Variants in ZNF512B observed in about 807,000 individuals in gnomAD.
ZNF512B encodes zinc finger protein 512B.
ZNF512B carries 22 observed loss-of-function variants against 87.8 expected under a neutral mutation model. That is an observed-to-expected ratio of 0.25 (90% CI 0.18 to 0.36). ZNF512B has a LOEUF of 0.36. Ranked by LOEUF, ZNF512B falls within the 10% of genes least tolerant of loss-of-function variation. ZNF512B has a pLI of 1.00. For missense variants in ZNF512B, 1,060 were observed against 1,231.6 expected, an observed-to-expected ratio of 0.86 and a Z score of 2.09; for synonymous variants, 524 against 490.9, an observed-to-expected ratio of 1.07 and a Z score of -0.89.
At position 63,958,011 on chromosome 20, in the gene ZNF512B, G is replaced by C. The variant is rs1165995316; in HGVS notation, c.*1877C>G. 6.6e-6 allele frequency: 1 copy of C among 152,256 alleles called. No individual in the cohort carries two copies. The highest frequency in any genetic ancestry group is 1.9e-4 in the East Asian group (1 of 5,196). 9.4% of individuals were successfully genotyped at this position (152,256 alleles called of 1,614,324 possible). On this transcript the variant is annotated 3_prime_UTR_variant, in exon 17 of 17. Transcript: ENST00000369888. ...GCCTCCATCCTCTCATCAGGCCGAG[G>C]TGTGCGTGGGTGGGGGGAGTCCGGG...
At position 63,959,073 on chromosome 20, in the gene ZNF512B, G is replaced by A. The variant is rs2058823644; in HGVS notation, c.*815C>T. The A allele has an allele frequency of 6.6e-6, 1 of 152,604 alleles. No individual in the cohort carries two copies. The highest frequency in any genetic ancestry group is 1.5e-5 in the Non-Finnish European group (1 of 68,330). The allele number at this position is 152,604 out of a possible 1,614,324, so 9.5% of individuals were successfully genotyped here. On this transcript the variant is annotated 3_prime_UTR_variant, in exon 17 of 17. Transcript: ENST00000369888. ...AGTGCCAGAAGGCTGAACACTGGAG[G>A]AGAGCACACTCCAGGGGCCCCACAC... is the stretch of plus-strand genomic sequence containing the variant.
intron 12 of ZNF512B, 103 bp downstream of exon 12, chr20:63,962,992 G>T: frequency 7.2e-7 from 1 of 1,392,298 alleles, no homozygotes; most frequent in South Asian, 1.4e-5. Context: ...GGAAACACAC[G>T]CGTTGGGCGG....
At position 63,966,578 on chromosome 20, in the gene ZNF512B, A is replaced by G. The variant is rs1386603991; in HGVS notation, c.597T>C (p.Thr199=). 1.2e-6 allele frequency: 2 copies of G among 1,613,760 alleles called. No individual in the cohort carries two copies. The highest frequency in any genetic ancestry group is 2.2e-5 in the East Asian group (1 of 44,868). Residue 199 remains threonine, a synonymous_variant, in exon 5 of 17, where the codon ACT becomes ACC. Transcript: ENST00000369888. ...TGCTGACACCCACAGGTTTGCCAAT[A>G]GTGACAGGTTTGCTCACTCCGATGG... ...SKPIGVSKPV[T]IGKPVGVSKP...
rs947622596 is a variant in ZNF512B at position 63,957,958 on chromosome 20, A to T, written c.*1930T>A. ...AAGGAATGCCTCCCCCGACCCTCTG[A>T]CGCTGGGTCACGCCCATCTCTGCCC... On this transcript the variant is annotated 3_prime_UTR_variant, in exon 17 of 17. Transcript: ENST00000369888. 6.6e-6 allele frequency: 1 copy of T among 152,162 alleles called. No individual in the cohort carries two copies. The highest frequency in any genetic ancestry group is 2.4e-5 in the African/African-American group (1 of 41,386). The allele number at this position is 152,162 out of a possible 1,614,324, so 9.4% of individuals were successfully genotyped here.
rs1262179905 is a variant in ZNF512B at position 63,966,613 on chromosome 20, C to T, written c.562G>A (p.Val188Ile). Residue 188 changes from valine (V) to isoleucine (I), a missense_variant, in exon 5 of 17, where the codon GTC becomes ATC. Transcript: ENST00000369888. ...TTGCTCACTCCGATGGGCTTGCTGA[C>T]CCCAACAGGCCGGCTGATGGTGACC... ...RPVTISRPVG[V>I]SKPIGVSKPV... 2.5e-6 allele frequency: 4 copies of T among 1,613,494 alleles called. No individual in the cohort carries two copies. The highest frequency in any genetic ancestry group is 3.4e-6 in the Non-Finnish European group (4 of 1,179,922).
intron 3 of ZNF512B, 45 bp downstream of exon 3, chr20:63,967,336 G>A: frequency 1.3e-6 from 2 of 1,546,670 alleles, no homozygotes; most frequent in Non-Finnish European, 1.7e-6. Context: ...TGGCTGGATA[G>A]GGAGACCCCA....
At chr20:63,963,492 C>A in intron 10 of ZNF512B, 52 bp from the exon 11 acceptor site, 1 of 1,549,552 alleles carries the variant, frequency 6.5e-7, no homozygotes, top group South Asian at 1.2e-5. Context: ...CGGAGCCCTG[C>A]CCTGGCCCCG....
In ZNF512B at chr20:63,967,920, G is replaced by A. The variant is rs756900977; in HGVS notation, c.31C>T (p.Arg11Trp). The change falls in exon 2 of 17, where the codon CGG (arginine) becomes TGG (tryptophan). Residue 11 changes from arginine to tryptophan, a missense_variant. By Grantham distance (101) the Arg-to-Trp change is moderately radical (BLOSUM62 -3). Transcript: ENST00000369888. The stretch of plus-strand genomic sequence containing the variant: ...CCACTCTTGCTGGACCCCGGGAGCC[G>A]ACGGCCTCCAACGCAGAAAGGATCC... MTDPFCVGGR[R>W]LPGSSKSGPG... 1.1e-5 allele frequency: 18 copies of A among 1,612,386 alleles called. No homozygotes were observed. Among genetic ancestry groups the A allele is most frequent in the African/African-American group, 1.3e-5 (1 of 75,046 alleles).
intron 16 of ZNF512B, 45 bp from the exon 17 acceptor site, chr20:63,960,184 A>G (rs2058834439): frequency 6.2e-7 from 1 of 1,606,842 alleles, no homozygotes; most frequent in South Asian, 1.1e-5. Flanking sequence ...CTGGATGCTG[A>G]GCACCTGAGC....
At position 63,961,383 on chromosome 20, in the gene ZNF512B, G is replaced by T; in HGVS notation, c.2353C>A (p.Arg785Ser). ...SKGAHLAGKY[R>S]CLLCPKEFSS... is the part of the protein sequence containing the mutation. ...AACTCCTTCGGACACAGCAGACAGC[G>T]GTACTTCCCTGCCAGGTGGGCCCCC... Residue 785 changes from arginine (R) to serine (S), a missense_variant, in exon 16 of 17, where the codon CGC becomes AGC. Physicochemically the swap from Arg to Ser is moderately radical, Grantham distance 110. Around this residue, in one of 9 missense-constraint regions of ZNF512B, gnomAD observed 253 missense variants for 259.2 expected, o/e 0.98. Coordinates refer to ENST00000369888, the MANE Select transcript of ZNF512B (RefSeq NM_020713.3). The surrounding 1 kb of genome is among the most constrained non-coding windows in gnomAD (Gnocchi z 6.4). 5 of 1,612,440 alleles carry T rather than the reference G, an allele frequency of 3.1e-6. No homozygotes were observed. The highest frequency in any genetic ancestry group is 4.2e-6 in the Non-Finnish European group (5 of 1,179,956).
chr20:63,966,337 T>C lies in ZNF512B; in HGVS notation c.838A>G (p.Lys280Glu). The change falls in exon 5 of 17, where the codon AAG (lysine) becomes GAG (glutamate). Residue 280 changes from lysine to glutamate, a missense_variant. Physicochemically the swap from Lys to Glu is moderately conservative, Grantham distance 56. Transcript: ENST00000369888. The stretch of plus-strand genomic sequence containing the variant: ...ACGGGTTTCGTAACTGTCACAAGCT[T>C]TGTTACCGTAATGGGTTTGGTGACA... ...VPVTKPITVT[K>E]LVTVTKPVPV... is the part of the protein sequence containing the mutation. The C allele has an allele frequency of 6.3e-7, 1 of 1,595,046 alleles. No homozygotes were observed. The highest frequency in any genetic ancestry group is 8.6e-7 in the Non-Finnish European group (1 of 1,166,666).
intron 16 of ZNF512B, among the ~76,000 whole-genome samples, chr20:63,960,503 C>T (rs2058838606): frequency 7.2e-6 from 1 of 138,656 alleles, no homozygotes; most frequent in Non-Finnish European, 1.6e-5. Flanking sequence ...AGGCAGGCAC[C>T]TGCCGCAGGG....
In ZNF512B at chr20:63,966,423, G is replaced by A. The variant is rs1368830630; in HGVS notation, c.752C>T (p.Ala251Val). 1.9e-6 allele frequency: 3 copies of A among 1,613,802 alleles called. No individual in the cohort carries two copies. Among genetic ancestry groups the A allele is most frequent in the Admixed American group, 3.3e-5 (2 of 59,950 alleles). ...TGTGATGGGTTTGGTGACCGGCATGGCCTTGGTGACGGGCATGGGCCTGCT... is the reference window on the plus strand; with the variant it reads ...TGTGATGGGTTTGGTGACCGGCATGACCTTGGTGACGGGCATGGGCCTGCT... ...TVSRPMPVTK[A>V]MPVTKPITVT... The change falls in exon 5 of 17, where the codon GCC becomes GTC. Residue 251 changes from alanine to valine, a missense_variant. This residue lies in a region of ZNF512B where 201 missense variants were observed against 226.8 expected (regional missense o/e 0.89). Transcript: ENST00000369888.
At chr20:63,963,975 C>T (rs2058889996) in intron 8 of ZNF512B, 62 bp from the exon 9 acceptor site, 14 of 1,598,724 alleles carry the variant, frequency 8.8e-6, no homozygotes, top group Non-Finnish European at 1.1e-5. Context: ...AGACGCCAGG[C>T]ACAGAATCCA....
Position 63,961,202 on chromosome 20 carries a change from A to G in ZNF512B, c.2427+107T>C, listed in dbSNP as rs2058846872. The G allele has an allele frequency of 1.0e-6, 1 of 982,908 alleles. No homozygotes were observed. Among genetic ancestry groups the G allele is most frequent in the Middle Eastern group, 2.1e-4 (1 of 4,758 alleles). The allele number at this position is 982,908 out of a possible 1,614,324, so 60.9% of individuals were successfully genotyped here. A position where few individuals can be genotyped will look rare whatever the true frequency, so the allele number is the denominator to read the frequency against. ...CCACATTGGCCACTCTCCCAGGCAC[A>G]CCCCATGCAGGCCACTGACCTCTCT... On this transcript the variant is annotated intron_variant, in intron 16 of 16. Transcript: ENST00000369888. The surrounding 1 kb of genome is among the most constrained non-coding windows in gnomAD (Gnocchi z 6.4).
rs937744601 is a variant in ZNF512B at position 63,960,244 on chromosome 20, G to A, written c.2428-105C>T. 4.7e-6 allele frequency: 7 copies of A among 1,492,358 alleles called. No homozygotes were observed. In the African/African-American group the frequency reaches 7.0e-5, roughly 15 times the overall value. 92.4% of individuals were successfully genotyped at this position (1,492,358 alleles called of 1,614,324 possible). A position where few individuals can be genotyped will look rare whatever the true frequency, so the allele number is the denominator to read the frequency against. On this transcript the variant is annotated intron_variant, in intron 16 of 16. Coordinates refer to ENST00000369888, the MANE Select transcript of ZNF512B (RefSeq NM_020713.3). ...CCTGTCAGCCTTCAGGACCAGGCAAGCACCTGCAGCAGGGCTGGACACAGC... is the reference window on the plus strand; with the variant it reads ...CCTGTCAGCCTTCAGGACCAGGCAAACACCTGCAGCAGGGCTGGACACAGC...
At position 63,962,589 on chromosome 20, in the gene ZNF512B, G is replaced by T; in HGVS notation, c.2161C>A (p.Arg721=). ...MKDDLVPETA[R]LNYTRPGLPT... ...CAGCCCTGGGGGGGGCAGCTCACCC[G>T]TGCGGTCTCGGGCACAAGGTCATCC... Residue 721 remains arginine, a splice_region_variant and synonymous_variant, in exon 13 of 17, where the codon CGG becomes AGG. Coordinates refer to ENST00000369888, the MANE Select transcript of ZNF512B (RefSeq NM_020713.3). 1 of 1,604,114 alleles carries T rather than the reference G, an allele frequency of 6.2e-7. No homozygotes were observed. The highest frequency in any genetic ancestry group is 8.5e-7 in the Non-Finnish European group (1 of 1,178,482).
chr20:63,966,813 C>A (rs372507237), intron 4 of ZNF512B, 32 bp from the exon 5 acceptor site: 6 of 1,606,418 alleles, frequency 3.7e-6, no homozygotes, highest in South Asian at 3.3e-5. Context: ...TGGGACAGGG[C>A]CCCAAGGGCC....
intron 13 of ZNF512B, 34 bp downstream of exon 13, chr20:63,962,553 G>A (rs370326912): frequency 1.4e-4 from 225 of 1,587,644 alleles, no homozygotes; most frequent in Middle Eastern, 7.5e-4. Flanking sequence ...CAGAGGCCAC[G>A]GCGCTGTCCA....
Sources: allele counts gnomAD v4.1 joint callset (sites outside exome capture counted in the v4.1 genomes callset), GRCh38; gene constraint gnomAD v4.1.1; regional missense constraint gnomAD v4.1.1; non-coding constraint Gnocchi (gnomAD v3.1); transcripts MANE v1.5; gene names NCBI Gene and HGNC (gene_info 2026-07-23, HGNC 2026-07-21).